C3orf22: variants seen among roughly 807,000 people sequenced by gnomAD.
C3orf22 encodes chromosome 3 open reading frame 22, also known as uncharacterized protein C3orf22.
C3orf22 carries 7 observed loss-of-function variants against 10.8 expected under a neutral mutation model. That is an observed-to-expected ratio of 0.65 (90% CI 0.37 to 1.22). The LOEUF (loss-of-function observed/expected upper bound fraction) is 1.22, where lower values mean the gene tolerates loss of function less well. Among genes scored for constraint, C3orf22 ranks in the 50% most tolerant of loss-of-function variants. The pLI is 0.02. For synonymous variants in C3orf22, 79 were observed against 78.9 expected (o/e 1.00, Z 0.00); for missense variants, 173 against 177.0 (o/e 0.98, Z 0.13).
intron 3 of C3orf22, among the ~76,000 whole-genome samples, chr3:126,550,476 C>T (rs952647529): frequency 6.6e-6 from 1 of 152,200 alleles, no homozygotes; most frequent in Non-Finnish European, 1.5e-5. Context: ...TGTGAGGACA[C>T]CCTCTGTCTC....
At chr3:126,536,916 CACACA>C (rs1936807332) in intron 4 of C3orf22, among the ~76,000 whole-genome samples, 1 of 151,504 alleles carries the variant, frequency 6.6e-6, no homozygotes, top group African/African-American at 2.4e-5. Flanking sequence ...CACACACACA[CACACA>C]CACCCCACAC....
chr3:126,538,106 C>T (rs141884904), intron 4 of C3orf22, among the ~76,000 whole-genome samples: 24 of 152,348 alleles, frequency 1.6e-4, no homozygotes, highest in African/African-American at 5.8e-4. Flanking sequence ...TCAGTTTTCT[C>T]TTCTGTAAAA....
At chr3:126,528,674 CGACAG>C (rs1252224847) in intron 5 of C3orf22, among the ~76,000 whole-genome samples, 5 of 152,072 alleles carry the variant, frequency 3.3e-5, no homozygotes, top group Non-Finnish European at 1.5e-5. Context: ...GAGGCACAGC[CGACAG>C]GACTGTGCTC....
At chr3:126,549,129 G>A (rs539441956), downstream of C3orf22, among the ~76,000 whole-genome samples, 1 of 152,238 alleles carries the variant, frequency 6.6e-6, no homozygotes, top group Admixed American at 6.5e-5. Flanking sequence ...TTGTAATACA[G>A]GAATATGGCA....
At position 126,550,033 on chromosome 3, in the gene C3orf22, T is replaced by C. The variant is rs779851364; in HGVS notation, c.261A>G (p.Ala87=). ...DFTSPSGSCP[A]PLPAPSPPPL... ...GAGGTGGTGATGGTGCTGGTAGTGGTGCCGGGCAGGAGCCAGACGGTGATG... is the reference window on the plus strand; with the variant it reads ...GAGGTGGTGATGGTGCTGGTAGTGGCGCCGGGCAGGAGCCAGACGGTGATG... The change falls in exon 4 of 4, where the codon GCA becomes GCG. Residue 87 remains alanine (A), a synonymous_variant. Transcript: ENST00000318225. 8 of 1,613,906 alleles carry C rather than the reference T, an allele frequency of 5.0e-6. No homozygotes were observed. The South Asian group carries it at 7.7e-5, about 16-fold the overall frequency.
At chr3:126,533,988 T>C (rs1459507731) in intron 4 of C3orf22, among the ~76,000 whole-genome samples, 3 of 152,204 alleles carry the variant, frequency 2.0e-5, no homozygotes, top group African/African-American at 7.2e-5. Context: ...TTCTTGTATG[T>C]TTTCTCATTT....
chr3:126,543,059 G>A (rs1937006144), intron 4 of C3orf22: 1 of 152,366 alleles, frequency 6.6e-6, no homozygotes, highest in African/African-American at 2.4e-5. Flanking sequence ...CCTCACGATG[G>A]GGCCGTCCCG....
chr3:126,541,974 A>G, intron 4 of C3orf22: 1 of 1,579,628 alleles, frequency 6.3e-7, no homozygotes. Flanking sequence ...ATCTCCGCGC[A>G]AGAGGCGCAC....
rs766098235 is a variant in C3orf22, at chr3:126,542,513, G to A, written c.286+7024C>T. ...CCCCTTCTACCAGCGGCGCCTCTTC[G>A]ACCTCTACAAGATGGACTTCCTGCT... On this transcript the variant is annotated intron_variant and NMD_transcript_variant, in intron 4 of 5. Coordinates refer to the C3orf22 transcript ENST00000505070. 20 of 1,566,418 alleles carry A rather than the reference G, an allele frequency of 1.3e-5. No homozygotes were observed. Among genetic ancestry groups the A allele is most frequent in the Middle Eastern group, 3.4e-4 (2 of 5,910 alleles).
At position 126,549,969 on chromosome 3, in the gene C3orf22, G is replaced by T; in HGVS notation, c.325C>A (p.Arg109Ser). 1 of 1,614,122 alleles carries T rather than the reference G, an allele frequency of 6.2e-7. No individual in the cohort carries two copies. Among genetic ancestry groups the T allele is most frequent in the Non-Finnish European group, 8.5e-7 (1 of 1,180,034 alleles). Residue 109 changes from arginine to serine, a missense_variant, in exon 4 of 4, where the codon CGC becomes AGC. Arg to Ser is a moderately radical substitution (Grantham distance 110). Transcript: ENST00000318225. The part of the protein sequence containing the change: ...NLWELKLLSR[R>S]FPRQLAFLLS... ...AGGAAGGCGAGTTGTCTGGGGAAGC[G>T]GCGACTCAGCAACTTGAGTTCCCAA...
chr3:126,541,716 T>C, intron 4 of C3orf22: 1 of 1,437,758 alleles, frequency 7.0e-7, no homozygotes, highest in Non-Finnish European at 9.1e-7. Context: ...CCCTGTCCCG[T>C]CTCCTGTCGC....
At chr3:126,542,466 C>T (rs779854156) in intron 4 of C3orf22, 15 of 1,575,374 alleles carry the variant, frequency 9.5e-6, no homozygotes, top group South Asian at 2.3e-5. Flanking sequence ...GACCTGGCAG[C>T]GCGCCTCTTC....
chr3:126,542,313 G>C, intron 4 of C3orf22: 1 of 1,568,536 alleles, frequency 6.4e-7, no homozygotes, highest in Non-Finnish European at 8.6e-7. Flanking sequence ...CACGCGCTCT[G>C]CCACCCGTGT....
intron 1 of C3orf22, among the ~76,000 whole-genome samples, chr3:126,557,502 C>T (rs1265588257): frequency 6.6e-6 from 1 of 152,236 alleles, no homozygotes; most frequent in Non-Finnish European, 1.5e-5. Flanking sequence ...TCATCCATCC[C>T]TCTGAGGGCG....
At position 126,553,285 on chromosome 3, in the gene C3orf22, G is replaced by T. The variant is rs775022164; in HGVS notation, c.89+17C>A. The T allele has an allele frequency of 2.5e-6, 4 of 1,571,510 alleles. No homozygotes were observed. The African/African-American group carries it at 4.0e-5, about 16-fold the overall frequency. The stretch of plus-strand genomic sequence containing the variant: ...GGGGAGGCAGGGCTTGTCTCCAGAG[G>T]TGTCAGCCTCCCGCACCTGTACGGA... On this transcript the variant is annotated intron_variant, in intron 2 of 3. Transcript: ENST00000318225.
intron 4 of C3orf22, among the ~76,000 whole-genome samples, chr3:126,543,959 G>A (rs1937026179): frequency 6.6e-6 from 1 of 152,196 alleles, no homozygotes; most frequent in Non-Finnish European, 1.5e-5. Flanking sequence ...CAAAGCCCAG[G>A]GCCTTGCACC....
At position 126,552,060 on chromosome 3, in the gene C3orf22, G is replaced by C. The variant is rs538697542; in HGVS notation, c.152C>G (p.Ser51Trp). The part of the protein sequence containing the change: ...PLQPWEVTND[S>W]NTVQLPLQKR... ...CTGCAGGGGCAGCTGCACCGTGTTC[G>C]AGTCGTTTGTGACCTCCCAGGGCTG... is the stretch of plus-strand genomic sequence containing the variant. Residue 51 changes from serine to tryptophan, a missense_variant, in exon 3 of 4, where the codon TCG (serine) becomes TGG (tryptophan). Coordinates refer to ENST00000318225, the MANE Select transcript of C3orf22 (RefSeq NM_152533.3). 3.7e-6 allele frequency: 6 copies of C among 1,613,734 alleles called. No individual in the cohort carries two copies. The highest frequency in any genetic ancestry group is 4.2e-6 in the Non-Finnish European group (5 of 1,179,852).
At chr3:126,549,686 T>C (rs1287434966), downstream of C3orf22, 1 of 1,526,602 alleles carries the variant, frequency 6.6e-7, no homozygotes, top group Non-Finnish European at 8.8e-7. Context: ...TCATTCCAGC[T>C]GGAAGTGGGG....
chr3:126,553,351 T>G lies in C3orf22; in HGVS notation c.40A>C (p.Lys14Gln). 6.2e-7 allele frequency: 1 copy of G among 1,614,086 alleles called. No individual in the cohort carries two copies. Among genetic ancestry groups the G allele is most frequent in the Non-Finnish European group, 8.5e-7 (1 of 1,180,004 alleles). Residue 14 changes from lysine to glutamine, a missense_variant, in exon 2 of 4, where the codon AAG becomes CAG. Coordinates refer to ENST00000318225, the MANE Select transcript of C3orf22 (RefSeq NM_152533.3). ...TTCTCCTGGGCCTGGATCCTCCACT[T>G]CTTACTCTGGTGAGACTTCTTGCAG... ...SACKKSHQSK[K>Q]WRIQAQENFA... is the part of the protein sequence containing the mutation.
Sources: allele counts gnomAD v4.1 joint callset (sites outside exome capture counted in the v4.1 genomes callset), GRCh38; gene constraint gnomAD v4.1.1; transcripts MANE v1.5; gene names NCBI Gene and HGNC (gene_info 2026-07-23, HGNC 2026-07-21).